Variants in FANCA observed in about 807,000 individuals in gnomAD.
FANCA encodes Fanconi anemia group A protein.
Under a neutral mutation model 194.3 loss-of-function variants are expected in FANCA, and 236 were observed. That is an observed-to-expected ratio of 1.21 (90% CI 1.09 to 1.35). The LOEUF is 1.35. FANCA is among the 40% of genes most tolerant of loss of function. FANCA has a pLI of 0.00. For synonymous variants in FANCA, 1,014 were observed against 715.8 expected (o/e 1.42, Z -6.65); for missense variants, 2,628 against 1,813.9 (o/e 1.45, Z -8.15).
intron 14 of FANCA, chr16:89,791,023 GTTTTTTTTTTTTTT>G: frequency 1.1e-5 from 1 of 94,344 alleles, no homozygotes; most frequent in South Asian, 1.7e-4. Context: ...GTGTGTGTGT[GTTTTTTTTTTTTTT>G]TTTTTTTTTT....
At chr16:89,746,502 C>T (rs932258722) in intron 35 of FANCA, 82 bp downstream of exon 35, 40 of 1,080,178 alleles carry the variant, frequency 3.7e-5, no homozygotes, top group East Asian at 7.1e-5. Context: ...GTGATGGAGA[C>T]GTGCTGCAGA....
Position 89,779,950 on chromosome 16 carries a change from C to A in FANCA, c.1634G>T (p.Ser545Ile), listed in dbSNP as rs200922390. 11 of 1,614,136 alleles carry A rather than the reference C, an allele frequency of 6.8e-6. No homozygotes were observed. In the East Asian group the frequency reaches 2.2e-4, roughly 33 times the overall value. The change falls in exon 18 of 43, where the codon AGC becomes ATC. Residue 545 changes from serine (S) to isoleucine (I), a missense_variant. By Grantham distance (142) the Ser-to-Ile change is moderately radical (BLOSUM62 -2). Transcript: ENST00000389301. ...SSAGDITEPHSQALQDVEKAI... is the reference protein window; with the variant it reads ...SSAGDITEPHIQALQDVEKAI... The stretch of plus-strand genomic sequence containing the variant: ...CTTTTCAACATCCTGAAGAGCTTGG[C>A]TGTGGGGCTGGTTCCCATACAGGGA...
At chr16:89,782,330 C>T (rs998257100) in intron 17 of FANCA, among the ~76,000 whole-genome samples, 17 of 151,200 alleles carry the variant, frequency 1.1e-4, no homozygotes, top group Middle Eastern at 3.4e-3. Context: ...GCTAACATGG[C>T]GAAACCCTGA....
chr16:89,793,063 A>T (rs1165428151), intron 11 of FANCA, among the ~76,000 whole-genome samples: 1 of 152,212 alleles, frequency 6.6e-6, no homozygotes, highest in Non-Finnish European at 1.5e-5. Context: ...ACAGCATCAC[A>T]GGGAGACGGT....
intron 35 of FANCA, among the ~76,000 whole-genome samples, chr16:89,746,218 G>A (rs191694948): frequency 2.6e-5 from 4 of 152,270 alleles, no homozygotes; most frequent in East Asian, 1.9e-4. Context: ...TCATGCTCTC[G>A]TGACGGGGCA....
chr16:89,813,806 C>CTCTG (rs1555578001), intron 3 of FANCA, among the ~76,000 whole-genome samples: 4 of 149,432 alleles, frequency 2.7e-5, no homozygotes, highest in Admixed American at 6.7e-5. Context: ...AAGTCTTTTA[C>CTCTG]TGTGTGTGTG....
At chr16:89,782,956 G>C (rs765263299) in intron 16 of FANCA, 38 bp from the exon 17 acceptor site, 3 of 1,612,646 alleles carry the variant, frequency 1.9e-6, no homozygotes, top group African/African-American at 2.7e-5. Context: ...AGAAAACAAA[G>C]CAGTTTCTGC....
intron 30 of FANCA, among the ~76,000 whole-genome samples, chr16:89,756,018 C>A (rs2038756893): frequency 6.6e-6 from 1 of 152,140 alleles, no homozygotes; most frequent in South Asian, 2.1e-4. Flanking sequence ...GTATTGCATG[C>A]CGCAACTGTA....
chr16:89,795,733 T>A (rs1396518180), intron 11 of FANCA, among the ~76,000 whole-genome samples, 173 bp downstream of exon 11: 4 of 152,206 alleles, frequency 2.6e-5, no homozygotes, highest in Non-Finnish European at 5.9e-5. Flanking sequence ...TGCTTTCAGG[T>A]AAAAGGATAT....
intron 8 of FANCA, among the ~76,000 whole-genome samples, chr16:89,801,321 G>A (rs1389522877): frequency 1.4e-5 from 2 of 142,064 alleles, no homozygotes; most frequent in African/African-American, 5.4e-5. Flanking sequence ...TCCAGCCCGG[G>A]CGACAGAGCA....
chr16:89,798,058 T>C lies in FANCA; in HGVS notation c.893+1108A>G, dbSNP rs147097511. 1.9e-4 allele frequency among the ~76,000 whole-genome samples: 29 copies of C among 152,196 alleles called. No individual in the cohort carries two copies. In the East Asian group the frequency reaches 5.4e-3, roughly 28 times the overall value. ...CAGACTAAACTGTATCCCCACAAAGTTCCTCTGTTGAAGCCCAGCCTCTCA... is the reference window on the plus strand; with the variant it reads ...CAGACTAAACTGTATCCCCACAAAGCTCCTCTGTTGAAGCCCAGCCTCTCA... On this transcript the variant is annotated intron_variant, in intron 10 of 42. Coordinates refer to ENST00000389301, the MANE Select transcript of FANCA (RefSeq NM_000135.4).
In FANCA at chr16:89,751,574, G is replaced by A. The variant is rs186729161; in HGVS notation, c.3066+564C>T. Among the ~76,000 whole-genome samples the A allele has an allele frequency of 1.1e-4, 17 of 152,260 alleles. No individual in the cohort carries two copies. The East Asian group carries it at 3.3e-3, about 29-fold the overall frequency. On this transcript the variant is annotated intron_variant, in intron 31 of 42. Coordinates refer to ENST00000389301, the MANE Select transcript of FANCA (RefSeq NM_000135.4). ...GGAAAGCATCTGGCTAAGGAGTTGG[G>A]AGGCCCCAGAGCTGGCGGAGGGAGA...
chr16:89,742,809 C>CT lies in FANCA; in HGVS notation c.3755dup (p.Arg1253GlufsTer25), dbSNP rs1249276799. 1 of 1,614,182 alleles carries CT rather than the reference C, an allele frequency of 6.2e-7. No homozygotes were observed. Among genetic ancestry groups the CT allele is most frequent in the South Asian group, 1.1e-5 (1 of 91,072 alleles). Reference sequence around the variant, plus strand: ...GAATTTCCTATCTTGCCTCCTCTCTCTCGCAGTCCAGCTTCTTTAGCTGCT... The same window carrying CT: ...GAATTTCCTATCTTGCCTCCTCTCTCTTCGCAGTCCAGCTTCTTTAGCTGCT... On this transcript the variant is annotated frameshift_variant, in exon 37 of 43. Transcript: ENST00000389301. LOFTEE classifies it high-confidence loss of function.
chr16:89,750,257 G>A (rs2038538261), intron 31 of FANCA, among the ~76,000 whole-genome samples: 1 of 152,152 alleles, frequency 6.6e-6, no homozygotes, highest in Non-Finnish European at 1.5e-5. Flanking sequence ...CAAGGCAGGA[G>A]GATCACGAGG....
At chr16:89,778,398 A>T (rs1404771090) in intron 20 of FANCA, 1 of 359,312 alleles carries the variant, frequency 2.8e-6, no homozygotes, top group Non-Finnish European at 5.3e-6. Context: ...CCCAGGAGGC[A>T]GAGCTTGCAG....
At chr16:89,771,201 A>G (rs1567619337) in intron 23 of FANCA, among the ~76,000 whole-genome samples, 1 of 151,178 alleles carries the variant, frequency 6.6e-6, no homozygotes, top group South Asian at 2.1e-4. Flanking sequence ...GCTTATGCCT[A>G]TAATCCCAAC....
chr16:89,805,460 C>T (rs1327946487), intron 6 of FANCA, 68 bp from the exon 7 acceptor site: 1 of 1,289,772 alleles, frequency 7.8e-7, no homozygotes, highest in African/African-American at 1.5e-5. Flanking sequence ...TGAGTTGAGC[C>T]ATATGTCCCA....
rs746285925 is a variant in FANCA, at chr16:89,771,744, G to A, written c.2085C>T (p.Ser695=). 1.9e-6 allele frequency: 3 copies of A among 1,613,982 alleles called. No homozygotes were observed. The highest frequency in any genetic ancestry group is 2.5e-6 in the Non-Finnish European group (3 of 1,180,022). The part of the protein sequence containing the change: ...RAVLGHNEDD[S]SVEISKIQLS... The stretch of plus-strand genomic sequence containing the variant: ...GCTGAATCTTTGATATCTCAACGCT[G>A]CTGTCATCCTCATTGTGGCCCAGGA... The change falls in exon 23 of 43, where the codon AGC becomes AGT. Residue 695 remains serine (S), a synonymous_variant. Coordinates refer to ENST00000389301, the MANE Select transcript of FANCA (RefSeq NM_000135.4).
intron 33 of FANCA, among the ~76,000 whole-genome samples, chr16:89,747,849 G>T (rs563921110): frequency 3.0e-4 from 45 of 152,282 alleles, no homozygotes; most frequent in African/African-American, 1.0e-3. Context: ...AGTGGGAGGG[G>T]CTGGTATCCG....
Sources: gnomAD v4.1 joint callset for allele counts (sites outside exome capture counted in the v4.1 genomes callset) on GRCh38, gnomAD v4.1.1 for gene constraint, MANE v1.5 for transcripts, NCBI Gene and HGNC (gene_info 2026-07-23, HGNC 2026-07-21) for gene names.